CHST3: variants seen among roughly 807,000 people sequenced by gnomAD.
The protein encoded by CHST3 is carbohydrate sulfotransferase 3, also known as C6ST-1.
In CHST3, 20 loss-of-function variants were observed where a neutral mutation model predicts 35.4. The observed-to-expected ratio is 0.57, with a 90% CI of 0.40 to 0.82. The LOEUF (loss-of-function observed/expected upper bound fraction) is 0.82, where lower values mean the gene tolerates loss of function less well. CHST3 is among the 40% of genes least tolerant of loss of function. CHST3 has a pLI of 0.00. For synonymous variants in CHST3, 334 were observed against 295.9 expected, an observed-to-expected ratio of 1.13 and a Z score of -1.32; for missense variants, 693 against 670.1, an observed-to-expected ratio of 1.03 and a Z score of -0.38.
At chr10:71,982,472 G>A (rs894102873) in intron 1 of CHST3, among the ~76,000 whole-genome samples, 5 of 152,236 alleles carry the variant, frequency 3.3e-5, no homozygotes, top group East Asian at 1.9e-4. Context: ...TGTTGTTCCA[G>A]CTGGGCACGG....
intron 1 of CHST3, among the ~76,000 whole-genome samples, chr10:71,976,185 A>G (rs1458720324): frequency 6.6e-6 from 1 of 152,228 alleles, no homozygotes; most frequent in Non-Finnish European, 1.5e-5. Context: ...TTTTGAAGCC[A>G]TAGAGGCCCT....
intron 1 of CHST3, among the ~76,000 whole-genome samples, chr10:71,981,703 C>T (rs1839802939): frequency 6.6e-6 from 1 of 152,226 alleles, no homozygotes; most frequent in African/African-American, 2.4e-5. Flanking sequence ...CTGTCCAATT[C>T]AACAGTCAGT....
At chr10:71,996,844 T>A (rs1187757542) in intron 1 of CHST3, among the ~76,000 whole-genome samples, 1 of 152,140 alleles carries the variant, frequency 6.6e-6, no homozygotes. Flanking sequence ...GCTTCCTCTG[T>A]CCCCCTAACC....
intron 1 of CHST3, among the ~76,000 whole-genome samples, chr10:71,965,226 T>C (rs945084307): frequency 2.6e-5 from 4 of 151,854 alleles, no homozygotes; most frequent in African/African-American, 9.7e-5. Context: ...AGGAGCGAAT[T>C]TGGTGTGGAA....
chr10:71,970,079 G>A (rs545754718), intron 1 of CHST3, among the ~76,000 whole-genome samples: 9 of 152,224 alleles, frequency 5.9e-5, no homozygotes, highest in South Asian at 2.1e-4. Context: ...AGGCCTGGAC[G>A]GTTTGTTCTG....
At chr10:71,993,086 G>A (rs945335372) in intron 1 of CHST3, among the ~76,000 whole-genome samples, 2 of 152,092 alleles carry the variant, frequency 1.3e-5, no homozygotes, top group Non-Finnish European at 2.9e-5. Context: ...TTTTCTTTGC[G>A]TTTTTTGTTT....
chr10:72,008,050 G>T lies in CHST3; in HGVS notation c.1019G>T (p.Arg340Leu). The T allele has an allele frequency of 6.5e-7, 1 of 1,549,226 alleles. No homozygotes were observed. Among genetic ancestry groups the T allele is most frequent in the South Asian group, 1.2e-5 (1 of 84,026 alleles). Residue 340 changes from arginine (R) to leucine (L), a missense_variant, in exon 3 of 3, where the codon CGG becomes CTG. Arg to Leu is a moderately radical substitution (Grantham distance 102). Transcript: ENST00000373115. The part of the protein sequence containing the change: ...QDGLREEEVQ[R>L]LRGNCESIRL... ...GGCCTGAGGGAAGAGGAGGTGCAGC[G>T]GCTGCGGGGCAACTGCGAGAGCATC...
chr10:71,988,263 C>T (rs1359036996), intron 1 of CHST3, among the ~76,000 whole-genome samples: 1 of 152,208 alleles, frequency 6.6e-6, no homozygotes, highest in Non-Finnish European at 1.5e-5. Flanking sequence ...CTTCCTTAGC[C>T]ACCTCCTCCT....
intron 1 of CHST3, among the ~76,000 whole-genome samples, chr10:71,985,074 G>A (rs1349492464): frequency 6.6e-6 from 1 of 152,230 alleles, no homozygotes; most frequent in Non-Finnish European, 1.5e-5. Context: ...GCAAAGTCCA[G>A]TGAGCCGTTC....
At chr10:72,001,013 C>T (rs940639077) in intron 1 of CHST3, among the ~76,000 whole-genome samples, 3 of 152,038 alleles carry the variant, frequency 2.0e-5, no homozygotes, top group East Asian at 1.9e-4. Context: ...TGGAGGGGTG[C>T]GGGGCAGAAG....
At chr10:72,007,009 TC>T (rs1840045135) in intron 2 of CHST3, among the ~76,000 whole-genome samples, 162 bp from the exon 3 acceptor site, 2 of 152,236 alleles carry the variant, frequency 1.3e-5, no homozygotes, top group African/African-American at 4.8e-5. Context: ...TGTGATCATG[TC>T]CCAAATAAAC....
intron 1 of CHST3, among the ~76,000 whole-genome samples, chr10:71,975,567 C>T (rs989051654): frequency 2.0e-5 from 3 of 152,230 alleles, no homozygotes; most frequent in African/African-American, 7.2e-5. Context: ...GTGCAAATCC[C>T]ACCCATGCGG....
chr10:72,005,756 G>C lies in CHST3; in HGVS notation c.-87G>C. 6.4e-7 allele frequency: 1 copy of C among 1,573,456 alleles called. No homozygotes were observed. The highest frequency in any genetic ancestry group is 1.1e-5 in the South Asian group (1 of 90,264). On this transcript the variant is annotated 5_prime_UTR_variant, in exon 2 of 3. An upstream open reading frame in the 5' UTR loses its in-frame stop. Transcript: ENST00000373115. The stretch of plus-strand genomic sequence containing the variant: ...CGCAGGACAAGGGTGTCCCCCACCT[G>C]AAGACGGCAAGCTGGGTCCTGAGTG...
Position 72,005,988 on chromosome 10 carries a change from G to T in CHST3, c.140+6G>T. ...GAAAATAAAATCATATCAAGGTGAG[G>T]GTTGCAAGCCCAAGTCTTCATCTTC... On this transcript the variant is annotated splice_donor_region_variant and intron_variant, in intron 2 of 2. Transcript: ENST00000373115. The T allele has an allele frequency of 6.2e-7, 1 of 1,611,220 alleles. No individual in the cohort carries two copies. Among genetic ancestry groups the T allele is most frequent in the South Asian group, 1.1e-5 (1 of 91,024 alleles).
chr10:71,974,868 G>T (rs1407129896), intron 1 of CHST3, among the ~76,000 whole-genome samples: 2 of 152,014 alleles, frequency 1.3e-5, no homozygotes, highest in Non-Finnish European at 2.9e-5. Flanking sequence ...TCCCTGCCTG[G>T]GTCCCCTGCC....
chr10:72,006,220 C>T (rs959574237), intron 2 of CHST3, among the ~76,000 whole-genome samples: 1 of 152,216 alleles, frequency 6.6e-6, no homozygotes, highest in Non-Finnish European at 1.5e-5. Flanking sequence ...TGGCCCTCTA[C>T]AGCTGTGAAA....
intron 1 of CHST3, among the ~76,000 whole-genome samples, chr10:71,986,789 A>G (rs537295100): frequency 1.2e-4 from 19 of 152,322 alleles, no homozygotes; most frequent in Non-Finnish European, 2.6e-4. Flanking sequence ...ATGGGGAGAG[A>G]TGTACCCAAG....
At chr10:71,995,972 G>T (rs921188762) in intron 1 of CHST3, among the ~76,000 whole-genome samples, 8 of 152,164 alleles carry the variant, frequency 5.3e-5, no homozygotes, top group African/African-American at 1.9e-4. Context: ...CCTTTGATTT[G>T]TAGAAAACAC....
At position 72,008,516 on chromosome 10, in the gene CHST3, C is replaced by G. The variant is rs751506408; in HGVS notation, c.*45C>G. 22 of 1,462,754 alleles carry G rather than the reference C, an allele frequency of 1.5e-5. 1 individual carries two copies. The highest frequency in any genetic ancestry group is 1.0e-4 in the South Asian group (7 of 69,994). 90.6% of individuals were successfully genotyped at this position (1,462,754 alleles called of 1,614,324 possible). ...GCCCCTCCTCGTGAAAGGCCTGCCC[C>G]GTCTTTCTGCCGCAGCCCTCGCAGA... is the stretch of plus-strand genomic sequence containing the variant. On this transcript the variant is annotated 3_prime_UTR_variant, in exon 3 of 3. Coordinates refer to ENST00000373115, the MANE Select transcript of CHST3 (RefSeq NM_004273.5).
Sources: allele counts gnomAD v4.1 joint callset (sites outside exome capture counted in the v4.1 genomes callset), GRCh38; gene constraint gnomAD v4.1.1; transcripts MANE v1.5; gene names NCBI Gene and HGNC (gene_info 2026-07-23, HGNC 2026-07-21).